SYT7: variants seen among roughly 807,000 people sequenced by gnomAD.
SYT7 encodes synaptotagmin-7.
Under a neutral mutation model 75.1 loss-of-function variants are expected in SYT7, and 29 were observed. That is an observed-to-expected ratio of 0.39 (90% confidence interval 0.29 to 0.53). SYT7 has a LOEUF of 0.53. Among genes scored for constraint, SYT7 ranks in the 20% least tolerant of loss-of-function variants. The probability of loss-of-function intolerance (pLI) is 0.77; values close to 1 mark genes in which losing one functional copy is unlikely to be tolerated. For missense variants in SYT7, 693 were observed against 953.2 expected (o/e 0.73, Z 3.59); for synonymous variants, 376 against 401.7 (o/e 0.94, Z 0.76).
intron 6 of SYT7, chr11:61,540,026 AAAC>A (rs1360906836): frequency 1.3e-5 from 2 of 152,172 alleles, no homozygotes; most frequent in Non-Finnish European, 2.9e-5. Context: ...AACTCAGTGA[AAAC>A]AACATGTTTT....
At chr11:61,574,248 G>A (rs541649501) in intron 1 of SYT7, among the ~76,000 whole-genome samples, 8 of 152,264 alleles carry the variant, frequency 5.3e-5, no homozygotes, top group South Asian at 2.1e-4. Flanking sequence ...TCTTCCAACC[G>A]CCTGGGAGGT....
rs1483752989 is a variant in SYT7, at chr11:61,523,987, C to A, written c.1642-46G>T. 1 of 1,573,322 alleles carries A rather than the reference C, an allele frequency of 6.4e-7. No homozygotes were observed. Among genetic ancestry groups the A allele is most frequent in the Admixed American group, 1.7e-5 (1 of 59,762 alleles). On this transcript the variant is annotated intron_variant, in intron 10 of 12. Coordinates refer to ENST00000539008, the MANE Select transcript of SYT7 (RefSeq NM_001365809.2). This position sits in a 1 kb window ranked among gnomAD's most constrained non-coding sequence, Gnocchi z 5.0. ...GGTGTGGGGAACTAGGCTAGCAGAGCTCTCTGATTGGCCTAGCTGCCCCCA... is the reference window on the plus strand; with the variant it reads ...GGTGTGGGGAACTAGGCTAGCAGAGATCTCTGATTGGCCTAGCTGCCCCCA...
chr11:61,548,930 T>C (rs756522689), intron 3 of SYT7, among the ~76,000 whole-genome samples: 1 of 152,102 alleles, frequency 6.6e-6, no homozygotes, highest in Non-Finnish European at 1.5e-5. Context: ...AGCCAAAGCG[T>C]AGAGCCAGCT....
At position 61,517,424 on chromosome 11, in the gene SYT7, A is replaced by G; in HGVS notation, c.*1203T>C. ...GCTCCCGGGGACCAGGGAGTGGGGA[A>G]GGGTGAGAAGACAGTCCTGGAGAAG... On this transcript the variant is annotated 3_prime_UTR_variant, in exon 13 of 13. Transcript: ENST00000539008. 1 of 398,800 alleles carries G rather than the reference A, an allele frequency of 2.5e-6. No homozygotes were observed. The highest frequency in any genetic ancestry group is 4.4e-6 in the Non-Finnish European group (1 of 226,226). 24.7% of individuals were successfully genotyped at this position (398,800 alleles called of 1,614,324 possible). A position where few individuals can be genotyped will look rare whatever the true frequency, so the allele number is the denominator to read the frequency against.
chr11:61,515,384 A>G lies in SYT7; in HGVS notation c.*3243T>C, dbSNP rs1006231205. 2 of 152,088 alleles carry G rather than the reference A, an allele frequency of 1.3e-5. No individual in the cohort carries two copies. Among genetic ancestry groups the G allele is most frequent in the Non-Finnish European group, 2.9e-5 (2 of 68,018 alleles). The allele number at this position is 152,088 out of a possible 1,614,324, so 9.4% of individuals were successfully genotyped here. A position where few individuals can be genotyped will look rare whatever the true frequency, so the allele number is the denominator to read the frequency against. On this transcript the variant is annotated 3_prime_UTR_variant, in exon 13 of 13. Transcript: ENST00000539008. ...AAGCAGGGCCCATTCCCACAAAAAT[A>G]TGATTTTGCAAAGAGGAAATCTTGC...
At chr11:61,520,014 T>A (rs1216760187) in intron 12 of SYT7, among the ~76,000 whole-genome samples, 1 of 138,236 alleles carries the variant, frequency 7.2e-6, no homozygotes, top group Non-Finnish European at 1.7e-5. Flanking sequence ...AGAGATGGGT[T>A]TCACTATGTT....
chr11:61,556,355 T>C, intron 1 of SYT7, 148 bp from the exon 2 acceptor site: 1 of 627,896 alleles, frequency 1.6e-6, no homozygotes, highest in Non-Finnish European at 2.8e-6. Context: ...AGTTCTGCCT[T>C]GCTGGATGAA....
In SYT7 at chr11:61,533,650, C is replaced by T. The variant is rs999167236; in HGVS notation, c.1065-526G>A. 13 of 985,416 alleles carry T rather than the reference C, an allele frequency of 1.3e-5. No homozygotes were observed. In the African/African-American group the frequency reaches 1.4e-4, roughly 11 times the overall value. 61.0% of individuals were successfully genotyped at this position (985,416 alleles called of 1,614,324 possible). A position where few individuals can be genotyped will look rare whatever the true frequency, so the allele number is the denominator to read the frequency against. Reference sequence around the variant, plus strand: ...AAGAGTTCTCTTCCCACCCTCCAGACGTGAGACTGACCAGGTGAGGTCAGG... The same window carrying T: ...AAGAGTTCTCTTCCCACCCTCCAGATGTGAGACTGACCAGGTGAGGTCAGG... On this transcript the variant is annotated intron_variant, in intron 7 of 12. Coordinates refer to ENST00000539008, the MANE Select transcript of SYT7 (RefSeq NM_001365809.2).
In SYT7 at chr11:61,540,112, T is replaced by C. The variant is rs578027963; in HGVS notation, c.942-1846A>G. 5 of 152,300 alleles carry C rather than the reference T, an allele frequency of 3.3e-5. No individual in the cohort carries two copies. The South Asian group carries it at 1.0e-3, about 32-fold the overall frequency. The allele number at this position is 152,300 out of a possible 1,614,324, so 9.4% of individuals were successfully genotyped here. On this transcript the variant is annotated intron_variant, in intron 6 of 12. Coordinates refer to ENST00000539008, the MANE Select transcript of SYT7 (RefSeq NM_001365809.2). ...ACCAGAACAGCTCCTCTGCATAAATTCCCGATTCGTCACTCTCTCCAGCTC... is the reference window on the plus strand; with the variant it reads ...ACCAGAACAGCTCCTCTGCATAAATCCCCGATTCGTCACTCTCTCCAGCTC...
At chr11:61,586,669 G>A in the SYT7 span, among the ~76,000 whole-genome samples, 1 of 152,136 alleles carries the variant, frequency 6.6e-6, no homozygotes, top group Admixed American at 6.5e-5. Flanking sequence ...GGGGTCCTTC[G>A]GGTTCCAGAT....
intron 4 of SYT7, 97 bp downstream of exon 4, chr11:61,547,080 G>C (rs61897347): frequency 0.094 from 130,676 of 1,391,100 alleles, 6,942 homozygotes; most frequent in Non-Finnish European, 0.11. Flanking sequence ...AGGAGAGAGG[G>C]AGTGAGCGGG....
chr11:61,571,177 T>G (rs559959747), intron 1 of SYT7, among the ~76,000 whole-genome samples: 65 of 152,330 alleles, frequency 4.3e-4, no homozygotes, highest in African/African-American at 1.4e-3. Flanking sequence ...TCTCAGCCCC[T>G]GCTTGGCGCC....
Position 61,551,431 on chromosome 11 carries a change from C to T in SYT7, c.168G>A (p.Val56=). The part of the protein sequence containing the change: ...GKRYKNSLET[V]GTPDSGRGRS... The stretch of plus-strand genomic sequence containing the variant: ...GCCCACGCCCTGAGTCTGGCGTGCC[C>T]ACCGTCTCCAAGGAATTCTTGTAGC... The change falls in exon 3 of 13, where the codon GTG becomes GTA. Residue 56 remains valine (V), a synonymous_variant. Coordinates refer to ENST00000539008, the MANE Select transcript of SYT7 (RefSeq NM_001365809.2). The surrounding 1 kb of genome is among the most constrained non-coding windows in gnomAD (Gnocchi z 5.3). 6.2e-7 allele frequency: 1 copy of T among 1,613,922 alleles called. No homozygotes were observed. Among genetic ancestry groups the T allele is most frequent in the East Asian group, 2.2e-5 (1 of 44,872 alleles).
Position 61,556,147 on chromosome 11 carries a change from G to C in SYT7, c.92C>G (p.Thr31Ser). The C allele has an allele frequency of 6.2e-7, 1 of 1,614,078 alleles. No homozygotes were observed. ...SAIITVSLSV[T>S]VVLCGLCHWC... is the part of the protein sequence containing the mutation. ...GTGGCAGAGGCCGCAGAGGACGACA[G>C]TGACGCTAAGGCTGACGGTGATGAT... is the stretch of plus-strand genomic sequence containing the variant. Residue 31 changes from threonine (T) to serine (S), a missense_variant, in exon 2 of 13, where the codon ACT becomes AGT. Physicochemically the swap from Thr to Ser is moderately conservative, Grantham distance 58. Around this residue, in one of 2 missense-constraint regions of SYT7, gnomAD observed 487 missense variants for 593.2 expected, o/e 0.82. Coordinates refer to ENST00000539008, the MANE Select transcript of SYT7 (RefSeq NM_001365809.2).
At position 61,516,025 on chromosome 11, in the gene SYT7, CCAT is replaced by C. The variant is rs2062140067; in HGVS notation, c.*2599_*2601del. 3 of 152,650 alleles carry C rather than the reference CCAT, an allele frequency of 2.0e-5. No individual in the cohort carries two copies. The highest frequency in any genetic ancestry group is 4.8e-5 in the African/African-American group (2 of 41,428). The allele number at this position is 152,650 out of a possible 1,614,324, so 9.5% of individuals were successfully genotyped here. On this transcript the variant is annotated 3_prime_UTR_variant, in exon 13 of 13. Transcript: ENST00000539008. This position sits in a 1 kb window ranked among gnomAD's most constrained non-coding sequence, Gnocchi z 4.6. ...CTATGAGGTAGGTGAAGTATTATTA[CCAT>C]CATTTTACAGATGGGGAAACCGAGG... is the stretch of plus-strand genomic sequence containing the variant.
rs1590888559 is a variant in SYT7, at chr11:61,546,152, C to T, written c.451G>A (p.Glu151Lys). ...GCCCCGCCGCTTCTCAAGGCGTCCT[C>T]TCCGGGTGGCGGCACCGGTGCCGGC... ...EKPAPVPPPG[E>K]DALRSGGAAP... Residue 151 changes from glutamate to lysine, a missense_variant, in exon 5 of 13, where the codon GAG (glutamate) becomes AAG (lysine). This residue lies in a region of SYT7 where 487 missense variants were observed against 593.2 expected (regional missense o/e 0.82). Transcript: ENST00000539008. The surrounding 1 kb of genome is among the most constrained non-coding windows in gnomAD (Gnocchi z 7.6). 4 of 1,527,196 alleles carry T rather than the reference C, an allele frequency of 2.6e-6. No homozygotes were observed. Among genetic ancestry groups the T allele is most frequent in the Non-Finnish European group, 3.5e-6 (4 of 1,143,288 alleles). 94.6% of individuals were successfully genotyped at this position (1,527,196 alleles called of 1,614,324 possible).
Position 61,545,212 on chromosome 11 carries a change from C to T in SYT7, c.572+819G>A, listed in dbSNP as rs537402293. On this transcript the variant is annotated intron_variant, in intron 5 of 12. Transcript: ENST00000539008. ...CTGTGGAAAACAGGGGCCAATCCTA[C>T]GTCCATCAGCCAAGAGTGGGCCTGA... Among the ~76,000 whole-genome samples, 9 of 152,320 alleles carry T rather than the reference C, an allele frequency of 5.9e-5. No homozygotes were observed. The South Asian group carries it at 1.4e-3, about 25-fold the overall frequency.
chr11:61,551,484 T>A lies in SYT7; in HGVS notation c.136-21A>T. The A allele has an allele frequency of 6.2e-7, 1 of 1,612,534 alleles. No homozygotes were observed. The highest frequency in any genetic ancestry group is 8.5e-7 in the Non-Finnish European group (1 of 1,179,210). Reference sequence around the variant, plus strand: ...TTGCCCTGTGGAGATAGCACTAGGATCACTCCTGGGGAACAGGACTGTACC... The same window carrying A: ...TTGCCCTGTGGAGATAGCACTAGGAACACTCCTGGGGAACAGGACTGTACC... On this transcript the variant is annotated intron_variant, in intron 2 of 12. Transcript: ENST00000539008. The surrounding 1 kb of genome is among the most constrained non-coding windows in gnomAD (Gnocchi z 5.3).
At chr11:61,525,621 TTC>T (rs2062492126) in intron 9 of SYT7, 1 of 152,116 alleles carries the variant, frequency 6.6e-6, no homozygotes, top group Non-Finnish European at 1.5e-5. Flanking sequence ...GGTAATAGAT[TTC>T]TCTGTCTCTT....
Sources: allele counts gnomAD v4.1 joint callset (sites outside exome capture counted in the v4.1 genomes callset), GRCh38; gene constraint gnomAD v4.1.1; regional missense constraint gnomAD v4.1.1; non-coding constraint Gnocchi (gnomAD v3.1); transcripts MANE v1.5; gene names NCBI Gene and HGNC (gene_info 2026-07-23, HGNC 2026-07-21).